NECTIN2: variants seen among roughly 807,000 people sequenced by gnomAD.
NECTIN2 encodes nectin cell adhesion molecule 2, also known as nectin-2.
NECTIN2 carries 23 observed loss-of-function variants against 56.9 expected under a neutral mutation model. The observed-to-expected ratio is 0.40, with a 90% CI of 0.29 to 0.57. The LOEUF (loss-of-function observed/expected upper bound fraction) is 0.57. Ranked by LOEUF, NECTIN2 falls within the 20% of genes least tolerant of loss-of-function variation. The pLI is 0.38. For synonymous variants in NECTIN2, 302 were observed against 313.8 expected, an observed-to-expected ratio of 0.96 and a Z score of 0.40; for missense variants, 587 against 718.3, an observed-to-expected ratio of 0.82 and a Z score of 2.09.
chr19:44,869,683 TG>T (rs1425519947), intron 2 of NECTIN2, among the ~76,000 whole-genome samples: 10 of 151,736 alleles, frequency 6.6e-5, no homozygotes, highest in African/African-American at 2.4e-4. Context: ...GAGCATAGAT[TG>T]AAGTTGCCCT....
At position 44,871,960 on chromosome 19, in the gene NECTIN2, T is replaced by A; in HGVS notation, c.586T>A (p.Trp196Arg). 1 of 1,614,108 alleles carries A rather than the reference T, an allele frequency of 6.2e-7. No homozygotes were observed. Among genetic ancestry groups the A allele is most frequent in the Non-Finnish European group, 8.5e-7 (1 of 1,179,970 alleles). The change falls in exon 3 of 9, where the codon TGG (tryptophan) becomes AGG (arginine). Residue 196 changes from tryptophan to arginine, a missense_variant. By Grantham distance (101) the Trp-to-Arg change is moderately radical. Coordinates refer to ENST00000252483, the MANE Select transcript of NECTIN2 (RefSeq NM_001042724.2). ...KEGRPPARIS[W>R]LSSLDWEAKE... Reference sequence around the variant, plus strand: ...GGGCCGCCCACCTGCCCGGATCTCCTGGCTCTCATCCCTGGACTGGGAAGC... The same window carrying A: ...GGGCCGCCCACCTGCCCGGATCTCCAGGCTCTCATCCCTGGACTGGGAAGC...
chr19:44,874,636 C>G lies in NECTIN2; in HGVS notation c.1042+158C>G. ...GGGAGATGAGGGTTGGCCTTCCCCT[C>G]GTGGCCTCAGACTGGGGTCTGGATT... On this transcript the variant is annotated intron_variant, in intron 5 of 8. Transcript: ENST00000252483. The surrounding 1 kb of genome is among the most constrained non-coding windows in gnomAD (Gnocchi z 6.3). The G allele has an allele frequency of 1.1e-6, 1 of 894,160 alleles. No individual in the cohort carries two copies. The highest frequency in any genetic ancestry group is 1.7e-6 in the Non-Finnish European group (1 of 591,326). The allele number at this position is 894,160 out of a possible 1,614,324, so 55.4% of individuals were successfully genotyped here. A position where few individuals can be genotyped will look rare whatever the true frequency, so the allele number is the denominator to read the frequency against.
At chr19:44,849,237 G>C (rs1022227884) in intron 1 of NECTIN2, among the ~76,000 whole-genome samples, 1 of 152,076 alleles carries the variant, frequency 6.6e-6, no homozygotes, top group Admixed American at 6.6e-5. Flanking sequence ...CCGACACAGG[G>C]ATGAGGCTGA....
Position 44,875,855 on chromosome 19 carries a change from A to C in NECTIN2, c.1042+1377A>C, listed in dbSNP as rs1166983997. On this transcript the variant is annotated intron_variant, in intron 5 of 8. Coordinates refer to ENST00000252483, the MANE Select transcript of NECTIN2 (RefSeq NM_001042724.2). The surrounding 1 kb of genome is among the most constrained non-coding windows in gnomAD (Gnocchi z 4.2). ...GGGAGATAGGACACCCCTACGGGAA[A>C]CACTGTCACAGACAGCAAACCCAGA... is the stretch of plus-strand genomic sequence containing the variant. Among the ~76,000 whole-genome samples the C allele has an allele frequency of 6.6e-6, 1 of 152,188 alleles. No homozygotes were observed. Among genetic ancestry groups the C allele is most frequent in the Non-Finnish European group, 1.5e-5 (1 of 68,032 alleles).
At chr19:44,862,708 G>A (rs1351444397) in intron 1 of NECTIN2, among the ~76,000 whole-genome samples, 6 of 152,076 alleles carry the variant, frequency 3.9e-5, no homozygotes, top group African/African-American at 1.4e-4. Context: ...GGAAACAGGT[G>A]AGGGTTGAAA....
chr19:44,872,579 T>C (rs779180421), intron 3 of NECTIN2, among the ~76,000 whole-genome samples: 1 of 152,100 alleles, frequency 6.6e-6, no homozygotes, highest in Non-Finnish European at 1.5e-5. Flanking sequence ...GTGTCTTTTC[T>C]GGCTCCCATG....
In NECTIN2 at chr19:44,869,606, A is replaced by AAG. The variant is rs1359844388; in HGVS notation, c.479-2246_479-2245insGA. Among the ~76,000 whole-genome samples, 114 of 144,324 alleles carry AAG rather than the reference A, an allele frequency of 7.9e-4. 1 individual carries two copies. Among genetic ancestry groups the AAG allele is most frequent in the African/African-American group, 3.0e-3 (109 of 35,922 alleles). The allele number at this position is 144,324 out of a possible 152,430, so 94.7% of individuals were successfully genotyped here. A position where few individuals can be genotyped will look rare whatever the true frequency, so the allele number is the denominator to read the frequency against. Reference sequence around the variant, plus strand: ...AGACTCCATCTCAAAAAAAAAAAAAAAAAGAAAAGAAAATATGATTAAGTG... The same window carrying AAG: ...AGACTCCATCTCAAAAAAAAAAAAAAAGAAAGAAAAGAAAATATGATTAAGTG... On this transcript the variant is annotated intron_variant, in intron 2 of 8. Transcript: ENST00000252483.
At chr19:44,878,256 C>T (rs769290208) in intron 5 of NECTIN2, 20 of 919,002 alleles carry the variant, frequency 2.2e-5, no homozygotes, top group Admixed American at 1.3e-4. Flanking sequence ...GATGTGGGCC[C>T]GCTGGTGTGG....
intron 1 of NECTIN2, among the ~76,000 whole-genome samples, chr19:44,851,234 G>C (rs1247428641): frequency 1.4e-5 from 2 of 147,678 alleles, no homozygotes; most frequent in Non-Finnish European, 3.0e-5. Flanking sequence ...CAGGAGTCCA[G>C]GCCCCCATCC....
Position 44,882,259 on chromosome 19 carries a change from G to A in NECTIN2, c.1091G>A (p.Gly364Asp), listed in dbSNP as rs1027919699. Reference sequence around the variant, plus strand: ...GGGGCCACAGGCGGCATCATCGGGGGCATCATCGCCGCCATCATTGCTACT... The same window carrying A: ...GGGGCCACAGGCGGCATCATCGGGGACATCATCGCCGCCATCATTGCTACT... ...GAGATGGIIG[G>D]IIAAIIATAV... Residue 364 changes from glycine (G) to aspartate (D), a missense_variant, in exon 6 of 9, where the codon GGC (glycine) becomes GAC (aspartate). Physicochemically the swap from Gly to Asp is moderately conservative, Grantham distance 94 (BLOSUM62 -1). Coordinates refer to ENST00000252483, the MANE Select transcript of NECTIN2 (RefSeq NM_001042724.2). The A allele has an allele frequency of 2.6e-6, 4 of 1,553,934 alleles. No individual in the cohort carries two copies. The highest frequency in any genetic ancestry group is 3.5e-6 in the Non-Finnish European group (4 of 1,149,044).
At chr19:44,871,832 C>A (rs369096389) in intron 2 of NECTIN2, 21 bp from the exon 3 acceptor site, 6 of 1,605,728 alleles carry the variant, frequency 3.7e-6, no homozygotes, top group Non-Finnish European at 4.3e-6. Flanking sequence ...AGTGACGCAC[C>A]CCCTCTCCTC....
At chr19:44,873,799 A>G in intron 3 of NECTIN2, 117 bp from the exon 4 acceptor site, 1 of 735,348 alleles carries the variant, frequency 1.4e-6, no homozygotes, top group South Asian at 1.6e-5. Flanking sequence ...GACAGTTTTG[A>G]CTGCTGTACC....
intron 1 of NECTIN2, among the ~76,000 whole-genome samples, chr19:44,861,607 T>C (rs1969032198): frequency 6.6e-6 from 1 of 152,140 alleles, no homozygotes; most frequent in Admixed American, 6.6e-5. Context: ...AATCTATCCA[T>C]CTGACAAAGG....
At chr19:44,854,788 G>T (rs952514207) in intron 1 of NECTIN2, among the ~76,000 whole-genome samples, 7 of 151,664 alleles carry the variant, frequency 4.6e-5, no homozygotes, top group Non-Finnish European at 7.4e-5. Flanking sequence ...ACTCCAGCCC[G>T]GGCAACAGAG....
chr19:44,865,134 A>C lies in NECTIN2; in HGVS notation c.89-137A>C. ...GTCTTTTCCAGGTGGCTTTTTTGGA[A>C]TCAGGATGCTGCGAAGCTGCCTACG... On this transcript the variant is annotated intron_variant, in intron 1 of 8. Transcript: ENST00000252483. This position sits in a 1 kb window ranked among gnomAD's most constrained non-coding sequence, Gnocchi z 5.2. 1.1e-6 allele frequency: 1 copy of C among 925,802 alleles called. No individual in the cohort carries two copies. Among genetic ancestry groups the C allele is most frequent in the Non-Finnish European group, 1.6e-6 (1 of 618,994 alleles). 57.3% of individuals were successfully genotyped at this position (925,802 alleles called of 1,614,324 possible). A position where few individuals can be genotyped will look rare whatever the true frequency, so the allele number is the denominator to read the frequency against.
chr19:44,869,751 T>C (rs527602916), intron 2 of NECTIN2, among the ~76,000 whole-genome samples: 10 of 152,082 alleles, frequency 6.6e-5, no homozygotes, highest in African/African-American at 2.4e-4. Context: ...GAGCTTTTGT[T>C]TGTTTGTTTG....
rs1291394176 is a variant in NECTIN2, at chr19:44,846,491, C to T, written c.-35C>T. 1.4e-6 allele frequency: 2 copies of T among 1,430,024 alleles called. No individual in the cohort carries two copies. The highest frequency in any genetic ancestry group is 2.9e-5 in the South Asian group (2 of 69,124). 88.6% of individuals were successfully genotyped at this position (1,430,024 alleles called of 1,614,324 possible). On this transcript the variant is annotated 5_prime_UTR_variant, in exon 1 of 9. Transcript: ENST00000252483. Reference sequence around the variant, plus strand: ...CGGCCCCCACAGAGTGGCCCGCGGGCCTCCGGCCGGGCCCAGTCCCCTCCC... The same window carrying T: ...CGGCCCCCACAGAGTGGCCCGCGGGTCTCCGGCCGGGCCCAGTCCCCTCCC...
Position 44,846,322 on chromosome 19 carries a change from G to A in NECTIN2, c.-204G>A. The A allele has an allele frequency of 1.8e-6, 1 of 542,906 alleles. No homozygotes were observed. Among genetic ancestry groups the A allele is most frequent in the Non-Finnish European group, 3.0e-6 (1 of 337,318 alleles). The allele number at this position is 542,906 out of a possible 1,614,324, so 33.6% of individuals were successfully genotyped here. Reference sequence around the variant, plus strand: ...GTGACGTCAGCGGGTTCGAACCGCCGGAGCTGAGCGAGAGGCCGGGGGTGC... The same window carrying A: ...GTGACGTCAGCGGGTTCGAACCGCCAGAGCTGAGCGAGAGGCCGGGGGTGC... On this transcript the variant is annotated 5_prime_UTR_variant, in exon 1 of 9. Transcript: ENST00000252483.
intron 1 of NECTIN2, among the ~76,000 whole-genome samples, chr19:44,847,134 G>C (rs575809859): frequency 6.6e-6 from 1 of 152,280 alleles, no homozygotes; most frequent in African/African-American, 2.4e-5. Flanking sequence ...AGGACAAGCG[G>C]ACCTGATTCG....
Sources: allele counts gnomAD v4.1 joint callset (sites outside exome capture counted in the v4.1 genomes callset), GRCh38; gene constraint gnomAD v4.1.1; non-coding constraint Gnocchi (gnomAD v3.1); transcripts MANE v1.5; gene names NCBI Gene and HGNC (gene_info 2026-07-23, HGNC 2026-07-21).